The following MARCHF1 variants were observed in gnomAD, a reference collection of about 807,000 sequenced individuals.
The protein encoded by MARCHF1 is E3 ubiquitin-protein ligase MARCHF1.
Under a neutral mutation model 54.2 loss-of-function variants are expected in MARCHF1, and 40 were observed. The observed-to-expected ratio is 0.74, with a 90% CI of 0.57 to 0.96. MARCHF1 has a LOEUF of 0.96. Among genes scored for constraint, MARCHF1 ranks in the 40% least tolerant of loss-of-function variants. The probability of loss-of-function intolerance (pLI) is 0.00; values close to 1 mark genes in which losing one functional copy is unlikely to be tolerated. For synonymous variants in MARCHF1, 236 were observed against 236.3 expected, an observed-to-expected ratio of 1.00 and a Z score of 0.01; for missense variants, 586 against 656.5, an observed-to-expected ratio of 0.89 and a Z score of 1.17.
intron 4 of MARCHF1, among the ~76,000 whole-genome samples, chr4:163,818,266 TA>T (rs1056945396): frequency 1.4e-4 from 21 of 152,214 alleles, no homozygotes; most frequent in Admixed American, 7.9e-4. Context: ...ATTTTATTAT[TA>T]TTTTTTTAAG....
At chr4:164,337,233 T>A (rs1460678775) in intron 1 of MARCHF1, among the ~76,000 whole-genome samples, 1 of 152,226 alleles carries the variant, frequency 6.6e-6, no homozygotes, top group African/African-American at 2.4e-5. Flanking sequence ...CACCTGTGGA[T>A]GTCAGTAACT....
chr4:163,912,443 G>C (rs566564015), intron 3 of MARCHF1, among the ~76,000 whole-genome samples: 1 of 152,282 alleles, frequency 6.6e-6, no homozygotes, highest in South Asian at 2.1e-4. Flanking sequence ...TAGCTCCGTG[G>C]GATGGGAAGG....
Position 164,380,191 on chromosome 4 carries a change from C to T in MARCHF1, c.-323+3679G>A, listed in dbSNP as rs541356023. 4.6e-5 allele frequency among the ~76,000 whole-genome samples: 7 copies of T among 152,176 alleles called. No homozygotes were observed. The South Asian group carries it at 6.2e-4, about 14-fold the overall frequency. On this transcript the variant is annotated intron_variant, in intron 1 of 9. Coordinates refer to ENST00000514618, the MANE Select transcript of MARCHF1 (RefSeq NM_001394959.1). Reference sequence around the variant, plus strand: ...TTTAACATACCAGATATTCTAAAACCACAATTACTTTTGCACCAACCTAAT... The same window carrying T: ...TTTAACATACCAGATATTCTAAAACTACAATTACTTTTGCACCAACCTAAT...
intron 3 of MARCHF1, among the ~76,000 whole-genome samples, chr4:163,869,229 T>G (rs1750119474): frequency 6.6e-6 from 1 of 152,038 alleles, no homozygotes; most frequent in South Asian, 2.1e-4. Context: ...TCCCCAAGCA[T>G]AATCTAGTTC....
At chr4:163,800,135 G>T (rs1431323165) in intron 4 of MARCHF1, among the ~76,000 whole-genome samples, 3 of 151,988 alleles carry the variant, frequency 2.0e-5, no homozygotes, top group African/African-American at 7.2e-5. Flanking sequence ...GGAACTACTA[G>T]GGCTGGGAAC....
rs147762912 is a variant in MARCHF1, at chr4:163,616,552, G to A, written c.163-3159C>T. On this transcript the variant is annotated intron_variant, in intron 5 of 9. Transcript: ENST00000514618. ...GAACTGTAAATCAAAGCCACAGTGAGATGTTATCTCACTCTCCTTAGGATG... is the reference window on the plus strand; with the variant it reads ...GAACTGTAAATCAAAGCCACAGTGAAATGTTATCTCACTCTCCTTAGGATG... 6.6e-3 allele frequency among the ~76,000 whole-genome samples: 1,011 copies of A among 152,150 alleles called. 15 individuals are homozygous for A. The highest frequency in any genetic ancestry group is 0.023 in the African/African-American group (969 of 41,514).
chr4:163,674,447 T>G (rs1007341018), intron 5 of MARCHF1, among the ~76,000 whole-genome samples: 8 of 152,214 alleles, frequency 5.3e-5, no homozygotes, highest in Non-Finnish European at 1.0e-4. Context: ...CTAAATCGCC[T>G]GGGCCATTAG....
chr4:164,190,636 G>GT (rs1453989104), intron 1 of MARCHF1, among the ~76,000 whole-genome samples: 3 of 152,188 alleles, frequency 2.0e-5, no homozygotes, highest in South Asian at 4.1e-4. Flanking sequence ...GGTGTAGGAA[G>GT]TTTTTTCTGC....
In MARCHF1 at chr4:164,176,964, C is replaced by CCATATATATATATA. The variant is rs1367492961; in HGVS notation, c.-322-65303_-322-65302insTATATATATATATG. On this transcript the variant is annotated intron_variant, in intron 1 of 9. Transcript: ENST00000514618. Reference sequence around the variant, plus strand: ...GCGCTCTCTCTCTCTCTCTCTCTCTCTCTCTCTCTCTCTCTCTATATATAT... The same window carrying CCATATATATATATA: ...GCGCTCTCTCTCTCTCTCTCTCTCTCCATATATATATATATCTCTCTCTCTCTCTCTATATATAT... Among the ~76,000 whole-genome samples, 7 of 47,710 alleles carry CCATATATATATATA rather than the reference C, an allele frequency of 1.5e-4. 1 individual carries two copies. The highest frequency in any genetic ancestry group is 9.3e-4 in the South Asian group (1 of 1,076). 31.3% of individuals were successfully genotyped at this position (47,710 alleles called of 152,430 possible). A position where few individuals can be genotyped will look rare whatever the true frequency, so the allele number is the denominator to read the frequency against.
chr4:164,177,856 C>A (rs776022066), intron 1 of MARCHF1, among the ~76,000 whole-genome samples: 2 of 150,606 alleles, frequency 1.3e-5, no homozygotes, highest in Non-Finnish European at 1.5e-5. Flanking sequence ...AAGACAGAGA[C>A]AGAGAAAGAA....
chr4:164,156,227 A>G (rs1005559915), intron 1 of MARCHF1, among the ~76,000 whole-genome samples: 1 of 152,146 alleles, frequency 6.6e-6, no homozygotes, highest in African/African-American at 2.4e-5. Context: ...TTTCTCGCAC[A>G]AAACTATTGA....
intron 5 of MARCHF1, among the ~76,000 whole-genome samples, chr4:163,674,562 T>C (rs1402473010): frequency 1.3e-5 from 2 of 152,088 alleles, no homozygotes; most frequent in African/African-American, 2.4e-5. Context: ...AGGTTATCCA[T>C]AGTGGGGTTT....
chr4:164,052,813 G>C (rs935736077), intron 2 of MARCHF1, among the ~76,000 whole-genome samples: 50 of 152,152 alleles, frequency 3.3e-4, no homozygotes, highest in African/African-American at 1.1e-3. Flanking sequence ...AAATCATAGT[G>C]ATACTAATCA....
chr4:163,754,520 T>C (rs1746609707), intron 4 of MARCHF1, among the ~76,000 whole-genome samples: 1 of 152,206 alleles, frequency 6.6e-6, no homozygotes, highest in Non-Finnish European at 1.5e-5. Flanking sequence ...ACTGATAATA[T>C]GACCTCCGTA....
At chr4:163,814,237 T>C (rs1387421932) in intron 4 of MARCHF1, among the ~76,000 whole-genome samples, 1 of 152,174 alleles carries the variant, frequency 6.6e-6, no homozygotes, top group Admixed American at 6.5e-5. Context: ...CACCAATAAA[T>C]AGTCTGGGCT....
intron 2 of MARCHF1, among the ~76,000 whole-genome samples, chr4:164,055,534 A>G (rs1754471884): frequency 6.6e-6 from 1 of 152,144 alleles, no homozygotes; most frequent in African/African-American, 2.4e-5. Context: ...CCCCGAAAAT[A>G]GGGACTAGAT....
chr4:164,036,973 T>C (rs996751123), intron 2 of MARCHF1, among the ~76,000 whole-genome samples: 1 of 152,198 alleles, frequency 6.6e-6, no homozygotes, highest in Non-Finnish European at 1.5e-5. Flanking sequence ...TAAGTGATTA[T>C]ATTTTGGATA....
chr4:164,168,600 C>A (rs144572697), intron 1 of MARCHF1, among the ~76,000 whole-genome samples: 3 of 151,868 alleles, frequency 2.0e-5, no homozygotes, highest in African/African-American at 2.4e-5. Context: ...CAGAACATTA[C>A]GCTAAGTGAA....
chr4:163,899,196 A>G (rs1750882549), intron 3 of MARCHF1, among the ~76,000 whole-genome samples: 1 of 152,142 alleles, frequency 6.6e-6, no homozygotes, highest in South Asian at 2.1e-4. Context: ...TTTAAATAAA[A>G]AGTTGTCCAT....
Sources: gnomAD v4.1 joint callset for allele counts (sites outside exome capture counted in the v4.1 genomes callset) on GRCh38, gnomAD v4.1.1 for gene constraint, MANE v1.5 for transcripts, NCBI Gene and HGNC (gene_info 2026-07-23, HGNC 2026-07-21) for gene names.